Variants in ULK4 observed in about 807,000 individuals in gnomAD.
The protein encoded by ULK4 is inactive serine/threonine-protein kinase ULK4.
ULK4 carries 133 observed loss-of-function variants against 160.6 expected under a neutral mutation model. The observed-to-expected ratio is 0.83, with a 90% confidence interval of 0.72 to 0.96. The LOEUF (loss-of-function observed/expected upper bound fraction) is 0.96. Ranked by LOEUF, ULK4 falls within the 40% of genes least tolerant of loss-of-function variation. ULK4 has a pLI of 0.00. For synonymous variants in ULK4, 534 were observed against 539.8 expected (o/e 0.99, Z 0.15); for missense variants, 1,580 against 1,499.5 (o/e 1.05, Z -0.89).
chr3:41,911,185 G>C (rs1055146968), intron 11 of ULK4, 132 bp downstream of exon 11: 1 of 840,102 alleles, frequency 1.2e-6, no homozygotes, highest in Non-Finnish European at 1.9e-6. Context: ...AAATTGGAGA[G>C]TGAAACTGGC....
At chr3:41,627,014 G>C (rs781524996) in intron 30 of ULK4, among the ~76,000 whole-genome samples, 16 of 152,164 alleles carry the variant, frequency 1.1e-4, no homozygotes, top group Admixed American at 2.0e-4. Context: ...GGAATAAGGA[G>C]ATTAACTTCA....
At chr3:41,647,516 C>T (rs1217715035) in intron 30 of ULK4, among the ~76,000 whole-genome samples, 9 of 151,872 alleles carry the variant, frequency 5.9e-5, no homozygotes, top group East Asian at 3.9e-4. Context: ...CGGATTTTCG[C>T]GAACCACAAA....
At chr3:41,248,791 T>C (rs929153771) in intron 36 of ULK4, among the ~76,000 whole-genome samples, 22 of 152,336 alleles carry the variant, frequency 1.4e-4, no homozygotes, top group Middle Eastern at 3.4e-3. Context: ...TCAGCGTCTC[T>C]GTGGGGCTGG....
intron 34 of ULK4, among the ~76,000 whole-genome samples, chr3:41,445,030 G>A (rs943453322): frequency 1.3e-5 from 2 of 152,112 alleles, no homozygotes; most frequent in Non-Finnish European, 2.9e-5. Flanking sequence ...CGAAGTCTCA[G>A]GATACAAAAT....
intron 30 of ULK4, 55 bp from the exon 31 acceptor site, chr3:41,615,772 T>C: frequency 6.6e-7 from 1 of 1,516,788 alleles, no homozygotes; most frequent in East Asian, 2.3e-5. Flanking sequence ...ATATTTGCAC[T>C]GATGGCCTGA....
chr3:41,456,357 A>C (rs562636546), intron 33 of ULK4, among the ~76,000 whole-genome samples: 8 of 152,122 alleles, frequency 5.3e-5, no homozygotes, highest in Admixed American at 1.3e-4. Flanking sequence ...ACAAATGCTA[A>C]TCTCCTCTGA....
chr3:41,643,786 A>G (rs746120056), intron 30 of ULK4, among the ~76,000 whole-genome samples: 1 of 152,138 alleles, frequency 6.6e-6, no homozygotes, highest in South Asian at 2.1e-4. Context: ...CTTGGGCAGT[A>G]TGGCCATTTT....
intron 17 of ULK4, among the ~76,000 whole-genome samples, chr3:41,853,925 C>T (rs2042274279): frequency 6.6e-6 from 1 of 152,140 alleles, no homozygotes; most frequent in Admixed American, 6.6e-5. Context: ...ATGTGACCCC[C>T]CTTCATGAAT....
chr3:41,649,163 T>A (rs938353506), intron 30 of ULK4, among the ~76,000 whole-genome samples: 2 of 151,536 alleles, frequency 1.3e-5, no homozygotes, highest in African/African-American at 4.8e-5. Flanking sequence ...GAAAATCTCC[T>A]TCACAACTAC....
chr3:41,572,520 G>C (rs2088014943), intron 31 of ULK4, among the ~76,000 whole-genome samples: 2 of 151,854 alleles, frequency 1.3e-5, no homozygotes, highest in African/African-American at 4.8e-5. Context: ...CAGCACTTTG[G>C]GAGGCCGAGG....
intron 9 of ULK4, 59 bp from the exon 10 acceptor site, chr3:41,911,718 G>T (rs1698792817): frequency 7.8e-7 from 1 of 1,280,166 alleles, no homozygotes; most frequent in Non-Finnish European, 1.1e-6. Flanking sequence ...ATAGTTTTAT[G>T]TTAGAGAAAA....
rs191800418 is a variant in ULK4 at position 41,718,663 on chromosome 3, G to A, written c.2322-802C>T. Among the ~76,000 whole-genome samples the A allele has an allele frequency of 2.6e-5, 4 of 152,102 alleles. No individual in the cohort carries two copies. In the East Asian group the frequency reaches 5.8e-4, roughly 22 times the overall value. On this transcript the variant is annotated intron_variant, in intron 22 of 36. Coordinates refer to ENST00000301831, the MANE Select transcript of ULK4 (RefSeq NM_017886.4). Reference sequence around the variant, plus strand: ...AAGGCCCTGTAAGGCAGTCTCCCTGGTTACCATCATCCATCTATCCATTTC... The same window carrying A: ...AAGGCCCTGTAAGGCAGTCTCCCTGATTACCATCATCCATCTATCCATTTC...
chr3:41,348,145 G>A (rs181745850), intron 35 of ULK4, among the ~76,000 whole-genome samples: 43 of 145,828 alleles, frequency 2.9e-4, no homozygotes, highest in Admixed American at 5.6e-4. Context: ...GGAGGTGGAG[G>A]TTGCAGTGAG....
chr3:41,561,359 C>T (rs2087562165), intron 32 of ULK4, among the ~76,000 whole-genome samples: 1 of 152,120 alleles, frequency 6.6e-6, no homozygotes, highest in Non-Finnish European at 1.5e-5. Flanking sequence ...GCTTTGGTAT[C>T]AGGATGATGC....
intron 18 of ULK4, among the ~76,000 whole-genome samples, chr3:41,822,676 C>T (rs887860773): frequency 2.6e-5 from 4 of 151,074 alleles, no homozygotes; most frequent in African/African-American, 9.8e-5. Flanking sequence ...GCCTCAGCCT[C>T]CCAAAGTGCT....
At position 41,566,145 on chromosome 3, in the gene ULK4, A is replaced by G; in HGVS notation, c.3121-15T>C. 6.3e-7 allele frequency: 1 copy of G among 1,594,848 alleles called. No individual in the cohort carries two copies. The highest frequency in any genetic ancestry group is 2.2e-5 in the East Asian group (1 of 44,662). ...TCCTGATGTTCCTGCAATAGATCAT[A>G]ATTTCCATCATAACCATACAGAAAT... On this transcript the variant is annotated splice_polypyrimidine_tract_variant and intron_variant, in intron 31 of 36. Coordinates refer to ENST00000301831, the MANE Select transcript of ULK4 (RefSeq NM_017886.4).
intron 22 of ULK4, among the ~76,000 whole-genome samples, chr3:41,736,357 T>C (rs997646230): frequency 4.6e-5 from 7 of 151,852 alleles, no homozygotes; most frequent in Non-Finnish European, 7.3e-5. Context: ...GCACCTGTTG[T>C]TCCCTGACTT....
At chr3:41,830,641 G>C (rs999636199) in intron 18 of ULK4, among the ~76,000 whole-genome samples, 1 of 152,042 alleles carries the variant, frequency 6.6e-6, no homozygotes, top group African/African-American at 2.4e-5. Context: ...AAAAAAAGAA[G>C]AATTAGACTA....
chr3:41,603,541 A>G (rs750223004), intron 31 of ULK4, among the ~76,000 whole-genome samples: 45 of 151,796 alleles, frequency 3.0e-4, no homozygotes, highest in Non-Finnish European at 6.3e-4. Context: ...TAGAATACAC[A>G]TTTTTTTTCA....
Sources: gnomAD v4.1 joint callset for allele counts (sites outside exome capture counted in the v4.1 genomes callset) on GRCh38, gnomAD v4.1.1 for gene constraint, MANE v1.5 for transcripts, NCBI Gene and HGNC (gene_info 2026-07-23, HGNC 2026-07-21) for gene names.